Variants in CDK12 observed in about 807,000 individuals in gnomAD.
The protein encoded by CDK12 is cyclin dependent kinase 12.
In CDK12, 17 loss-of-function variants were observed where a neutral mutation model predicts 133.8. The ratio of observed to expected loss-of-function variants is 0.13; its 90% CI spans 0.09 to 0.19. The LOEUF (loss-of-function observed/expected upper bound fraction) is 0.19, where lower values mean the gene tolerates loss of function less well. Among genes scored for constraint, CDK12 ranks in the 10% least tolerant of loss-of-function variants. CDK12 has a pLI of 1.00. For synonymous variants in CDK12, 694 were observed against 683.6 expected, an observed-to-expected ratio of 1.02 and a Z score of -0.24; for missense variants, 1,508 against 1,818.7, an observed-to-expected ratio of 0.83 and a Z score of 3.11.
rs1175776807 is a variant in CDK12, at chr17:39,462,059, CAG to C, written c.-12_-11del. On this transcript the variant is annotated 5_prime_UTR_variant, in exon 1 of 14. Coordinates refer to ENST00000447079, the MANE Select transcript of CDK12 (RefSeq NM_016507.4). The stretch of plus-strand genomic sequence containing the variant: ...GGGAACTTTTTTCCCTTCTTCAGGT[CAG>C]GGGAAAGGGAATGCCCAATTCAGAG... 2 of 1,607,124 alleles carry C rather than the reference CAG, an allele frequency of 1.2e-6. No individual in the cohort carries two copies. Among genetic ancestry groups the C allele is most frequent in the African/African-American group, 1.3e-5 (1 of 74,622 alleles).
intron 2 of CDK12, among the ~76,000 whole-genome samples, chr17:39,482,680 G>A (rs1040785354): frequency 7.6e-6 from 1 of 131,116 alleles, no homozygotes; most frequent in African/African-American, 2.7e-5. Context: ...TCAGCTCACT[G>A]CAACCTACGC....
At chr17:39,489,694 A>C (rs765343840) in intron 2 of CDK12, among the ~76,000 whole-genome samples, 1 of 141,326 alleles carries the variant, frequency 7.1e-6, no homozygotes, top group African/African-American at 2.7e-5. Context: ...GGGTTTCCCT[A>C]TGTTGGCCAG....
chr17:39,481,253 CAAAAA>C (rs1207247004), intron 2 of CDK12, among the ~76,000 whole-genome samples: 2 of 59,656 alleles, frequency 3.4e-5, no homozygotes, highest in Admixed American at 4.0e-4. Context: ...AACTCCGTCT[CAAAAA>C]AAAAAAGAAA....
Position 39,461,785 on chromosome 17 carries a change from G to A in CDK12, c.-287G>A. On this transcript the variant is annotated 5_prime_UTR_variant, in exon 1 of 14. Transcript: ENST00000447079. ...CCCCGGCGCCCGGGCCTGAGGACTGGCTCGGCGGAGGGAGAAGAGGAAACA... is the reference window on the plus strand; with the variant it reads ...CCCCGGCGCCCGGGCCTGAGGACTGACTCGGCGGAGGGAGAAGAGGAAACA... 1 of 458,962 alleles carries A rather than the reference G, an allele frequency of 2.2e-6. No individual in the cohort carries two copies. Among genetic ancestry groups the A allele is most frequent in the East Asian group, 3.5e-5 (1 of 28,214 alleles). 28.4% of individuals were successfully genotyped at this position (458,962 alleles called of 1,614,324 possible). A position where few individuals can be genotyped will look rare whatever the true frequency, so the allele number is the denominator to read the frequency against.
At position 39,471,461 on chromosome 17, in the gene CDK12, C is replaced by G. The variant is rs201618783; in HGVS notation, c.1629C>G (p.Thr543=). The G allele has an allele frequency of 6.2e-7, 1 of 1,613,154 alleles. No individual in the cohort carries two copies. Among genetic ancestry groups the G allele is most frequent in the African/African-American group, 1.3e-5 (1 of 74,746 alleles). Residue 543 remains threonine, a synonymous_variant, in exon 2 of 14, where the codon ACC becomes ACG. Coordinates refer to ENST00000447079, the MANE Select transcript of CDK12 (RefSeq NM_016507.4). ...ASPPPPLPTT[T]PPPQTPPLPP... ...CCCCACCCCCTCTACCAACTACTACCCCTCCACCTCAGACACCCCCTTTGC... is the reference window on the plus strand; with the variant it reads ...CCCCACCCCCTCTACCAACTACTACGCCTCCACCTCAGACACCCCCTTTGC...
At chr17:39,527,176 T>C (rs2054546094) in intron 13 of CDK12, among the ~76,000 whole-genome samples, 2 of 152,350 alleles carry the variant, frequency 1.3e-5, no homozygotes, top group South Asian at 2.1e-4. Context: ...GATATACTAA[T>C]CTTCAACTTT....
At chr17:39,504,057 A>G (rs1463889137) in intron 6 of CDK12, among the ~76,000 whole-genome samples, 1 of 152,188 alleles carries the variant, frequency 6.6e-6, no homozygotes, top group Non-Finnish European at 1.5e-5. Context: ...AGATCTGTAG[A>G]CTTTGGTTGA....
At chr17:39,544,504 G>A (rs535187990), upstream of CDK12, 400 of 288,906 alleles carry the variant, frequency 1.4e-3, 3 homozygotes, top group African/African-American at 8.3e-3. Flanking sequence ...TTGAGACAGA[G>A]TCTCACTCTG....
At chr17:39,562,902 CTTTTTTTT>C (rs59852699) in intron 3 of CDK12, among the ~76,000 whole-genome samples, 1 of 92,384 alleles carries the variant, frequency 1.1e-5, no homozygotes, top group Non-Finnish European at 2.2e-5. Context: ...TTTTTCTTTT[CTTTTTTTT>C]TTTTTTTTTT....
intron 2 of CDK12, among the ~76,000 whole-genome samples, chr17:39,485,086 C>T (rs1026510854): frequency 6.7e-5 from 10 of 149,626 alleles, no homozygotes; most frequent in Non-Finnish European, 1.0e-4. Flanking sequence ...AGGAGAATGG[C>T]GTGAACCCAG....
At chr17:39,470,779 A>G (rs2049734136) in intron 1 of CDK12, 100 bp from the exon 2 acceptor site, 3 of 1,034,016 alleles carry the variant, frequency 2.9e-6, no homozygotes, top group East Asian at 5.0e-5. Context: ...CTATTTTACA[A>G]TTGATAAGTT....
intron 1 of CDK12, among the ~76,000 whole-genome samples, chr17:39,466,615 G>GGAAAAA (rs1567677231): frequency 9.5e-5 from 3 of 31,434 alleles, no homozygotes; most frequent in Non-Finnish European, 1.2e-4. Flanking sequence ...AACTCTATCT[G>GGAAAAA]AAAAAAAAAA....
chr17:39,501,656 T>C (rs879904801), intron 6 of CDK12, among the ~76,000 whole-genome samples: 35 of 152,218 alleles, frequency 2.3e-4, no homozygotes, highest in Non-Finnish European at 4.7e-4. Flanking sequence ...AACATTGATG[T>C]GCAGTTGGTG....
downstream of CDK12, chr17:39,534,959 C>G (rs1332484204): frequency 6.6e-6 from 1 of 152,244 alleles, no homozygotes; most frequent in African/African-American, 2.4e-5. Flanking sequence ...TCACCACCCA[C>G]CCTACCTCAG....
chr17:39,535,387 G>A (rs1567798867), downstream of CDK12, among the ~76,000 whole-genome samples: 1 of 152,192 alleles, frequency 6.6e-6, no homozygotes, highest in African/African-American at 2.4e-5. Flanking sequence ...TTGCTAACCT[G>A]TTTTTGAATC....
chr17:39,528,083 T>G (rs2041626285), intron 13 of CDK12, among the ~76,000 whole-genome samples: 1 of 149,574 alleles, frequency 6.7e-6, no homozygotes, highest in South Asian at 2.1e-4. Flanking sequence ...ACCTGGCTAA[T>G]TTTTTTTTGT....
At chr17:39,516,660 CTTTTTTT>C (rs900007701) in intron 9 of CDK12, among the ~76,000 whole-genome samples, 1 of 116,030 alleles carries the variant, frequency 8.6e-6, no homozygotes, top group African/African-American at 3.4e-5. Context: ...CTAATGCAGA[CTTTTTTT>C]TTTTTTTTTT....
At chr17:39,497,224 ACCCGG>A (rs2052199649) in intron 5 of CDK12, among the ~76,000 whole-genome samples, 1 of 152,080 alleles carries the variant, frequency 6.6e-6, no homozygotes, top group Admixed American at 6.6e-5. Context: ...GAGCCACTGT[ACCCGG>A]CCAAGTATAT....
downstream of CDK12, among the ~76,000 whole-genome samples, chr17:39,565,730 A>G (rs1489809260): frequency 2.0e-5 from 3 of 152,202 alleles, no homozygotes; most frequent in Non-Finnish European, 2.9e-5. Context: ...CACCGTGCCC[A>G]GCTTCCCTCT....
Sources: gnomAD v4.1 joint callset for allele counts (sites outside exome capture counted in the v4.1 genomes callset) on GRCh38, gnomAD v4.1.1 for gene constraint, MANE v1.5 for transcripts, NCBI Gene and HGNC (gene_info 2026-07-23, HGNC 2026-07-21) for gene names.